Variants in DCC observed in about 807,000 individuals in gnomAD.
DCC encodes netrin receptor DCC.
DCC carries 58 observed loss-of-function variants against 172.5 expected under a neutral mutation model. The ratio of observed to expected loss-of-function variants is 0.34; its 90% CI spans 0.27 to 0.42. The LOEUF is 0.42. DCC is among the 10% of genes least tolerant of loss of function. The pLI, the probability that DCC is intolerant of heterozygous loss-of-function variation, is 1.00. For synonymous variants in DCC, 709 were observed against 644.5 expected (o/e 1.10, Z -1.52); for missense variants, 1,740 against 1,791.0 (o/e 0.97, Z 0.51).
chr18:53,057,079 T>TAAAAAAAAAA (rs11316527), intron 5 of DCC, among the ~76,000 whole-genome samples: 10 of 89,328 alleles, frequency 1.1e-4, no homozygotes, highest in African/African-American at 2.5e-4. Flanking sequence ...CTTCTAAAAG[T>TAAAAAAAAAA]AAAAAAAAAA....
At chr18:52,648,171 A>G (rs1164295183) in intron 1 of DCC, among the ~76,000 whole-genome samples, 3 of 152,226 alleles carry the variant, frequency 2.0e-5, no homozygotes, top group African/African-American at 7.2e-5. Context: ...ACCAGCTCCT[A>G]TCAGTTCACA....
At chr18:52,462,612 T>A (rs1988666781) in intron 1 of DCC, among the ~76,000 whole-genome samples, 1 of 152,012 alleles carries the variant, frequency 6.6e-6, no homozygotes, top group Non-Finnish European at 1.5e-5. Flanking sequence ...ACTACAATCC[T>A]CTCCCAGATA....
chr18:53,156,032 C>T (rs2054727810), intron 7 of DCC, among the ~76,000 whole-genome samples: 1 of 152,166 alleles, frequency 6.6e-6, no homozygotes, highest in Non-Finnish European at 1.5e-5. Flanking sequence ...TTTATGAATA[C>T]AGGTAAGTCT....
chr18:52,601,758 C>T (rs553258223), intron 1 of DCC, among the ~76,000 whole-genome samples: 2 of 152,060 alleles, frequency 1.3e-5, no homozygotes, highest in East Asian at 3.9e-4. Context: ...TTTTTGCATG[C>T]CTATATTAGC....
chr18:53,479,453 C>T (rs1316454217), intron 25 of DCC, among the ~76,000 whole-genome samples: 2 of 152,110 alleles, frequency 1.3e-5, no homozygotes, highest in Non-Finnish European at 2.9e-5. Context: ...ACCTAGATGT[C>T]GTTTCTTGGT....
At chr18:52,668,997 C>T (rs1426774573) in intron 1 of DCC, among the ~76,000 whole-genome samples, 1 of 152,158 alleles carries the variant, frequency 6.6e-6, no homozygotes, top group Admixed American at 6.5e-5. Context: ...CAGAGCTGGC[C>T]GCACTGGAGA....
intron 1 of DCC, among the ~76,000 whole-genome samples, chr18:52,642,042 ATATACTGTGGTGTGTGTGTG>A (rs1335418966): frequency 0.19 from 2,343 of 12,202 alleles, 108 homozygotes; most frequent in African/African-American, 0.22. Context: ...ATATATATAT[ATATACTGTGGTGTGTGTGTG>A]TATATATATA....
chr18:52,504,909 A>C (rs1360406445), intron 1 of DCC, among the ~76,000 whole-genome samples: 1 of 152,312 alleles, frequency 6.6e-6, no homozygotes, highest in East Asian at 1.9e-4. Flanking sequence ...CTTGACATAC[A>C]GTGAGCACCC....
At chr18:52,938,793 C>A (rs567858292) in intron 5 of DCC, among the ~76,000 whole-genome samples, 2 of 152,124 alleles carry the variant, frequency 1.3e-5, no homozygotes, top group African/African-American at 2.4e-5. Flanking sequence ...TACATTAAAT[C>A]CATAACAGTT....
chr18:53,063,225 T>A lies in DCC; in HGVS notation c.986-80T>A, dbSNP rs148039159. ...ATATTTTCTATCCCAGAGCAGTGTT[T>A]TAAACTCAGTGAAGACCTCAGCAGC... On this transcript the variant is annotated intron_variant, in intron 5 of 28. Coordinates refer to ENST00000442544, the MANE Select transcript of DCC (RefSeq NM_005215.4). 4.0e-4 allele frequency: 530 copies of A among 1,309,214 alleles called. 4 individuals are homozygous for A. The African/African-American group carries it at 6.9e-3, about 17-fold the overall frequency. 81.1% of individuals were successfully genotyped at this position (1,309,214 alleles called of 1,614,324 possible).
At chr18:53,088,458 C>G (rs1017862482) in intron 7 of DCC, among the ~76,000 whole-genome samples, 2 of 152,072 alleles carry the variant, frequency 1.3e-5, no homozygotes, top group South Asian at 2.1e-4. Context: ...GAGTTTGTAT[C>G]CTGAGACTTT....
chr18:53,208,889 C>T (rs1177096821), intron 11 of DCC, among the ~76,000 whole-genome samples: 2 of 152,202 alleles, frequency 1.3e-5, no homozygotes, highest in African/African-American at 2.4e-5. Context: ...TGCCACCACC[C>T]CTGGCTAGTT....
chr18:53,307,924 TA>T, intron 13 of DCC, among the ~76,000 whole-genome samples: 1 of 102,442 alleles, frequency 9.8e-6, no homozygotes, highest in African/African-American at 5.0e-5. Context: ...TATATATATA[TA>T]TATATATATA....
At chr18:52,718,634 G>A (rs193247188) in intron 1 of DCC, among the ~76,000 whole-genome samples, 3 of 152,256 alleles carry the variant, frequency 2.0e-5, no homozygotes, top group Admixed American at 6.5e-5. Context: ...GTCATCTACT[G>A]GAGGCCAGAG....
intron 1 of DCC, among the ~76,000 whole-genome samples, chr18:52,694,322 C>A (rs2035977160): frequency 6.6e-6 from 1 of 151,964 alleles, no homozygotes; most frequent in African/African-American, 2.4e-5. Flanking sequence ...ATGTGTGATT[C>A]CTGATTAGAT....
chr18:53,499,585 G>C, intron 27 of DCC, 75 bp downstream of exon 27: 2 of 1,206,360 alleles, frequency 1.7e-6, no homozygotes, highest in Non-Finnish European at 2.5e-6. Flanking sequence ...GAGGGTGCTT[G>C]AGAAGGCCTA....
intron 5 of DCC, among the ~76,000 whole-genome samples, chr18:53,037,145 C>T (rs571348557): frequency 1.3e-5 from 2 of 152,032 alleles, no homozygotes; most frequent in East Asian, 3.9e-4. Flanking sequence ...GTCAATGATG[C>T]CTAAAGAGTT....
intron 13 of DCC, among the ~76,000 whole-genome samples, chr18:53,312,850 C>T (rs1026582235): frequency 4.6e-5 from 6 of 130,852 alleles, no homozygotes; most frequent in African/African-American, 1.7e-4. Flanking sequence ...ACTGCCTTCT[C>T]TTTACTCCAC....
At chr18:52,379,661 T>C (rs1985502447) in intron 1 of DCC, among the ~76,000 whole-genome samples, 1 of 152,154 alleles carries the variant, frequency 6.6e-6, no homozygotes, top group Non-Finnish European at 1.5e-5. Flanking sequence ...GCTTGCAGTG[T>C]AGGGAATGAG....
Sources: gnomAD v4.1 joint callset for allele counts (sites outside exome capture counted in the v4.1 genomes callset) on GRCh38, gnomAD v4.1.1 for gene constraint, MANE v1.5 for transcripts, NCBI Gene and HGNC (gene_info 2026-07-23, HGNC 2026-07-21) for gene names.